CALD1: variants seen among roughly 807,000 people sequenced by gnomAD.
CALD1 encodes caldesmon 1.
A neutral mutation model predicts 99.9 loss-of-function variants in CALD1; 33 were observed. That is an observed-to-expected ratio of 0.33 (90% CI 0.25 to 0.44). CALD1 has a LOEUF of 0.44. Among genes scored for constraint, CALD1 ranks in the 20% least tolerant of loss-of-function variants. The probability of loss-of-function intolerance (pLI) is 1.00; values close to 1 mark genes in which losing one functional copy is unlikely to be tolerated. For synonymous variants in CALD1, 310 were observed against 325.0 expected, an observed-to-expected ratio of 0.95 and a Z score of 0.50; for missense variants, 861 against 962.1, an observed-to-expected ratio of 0.89 and a Z score of 1.39.
chr7:134,863,961 A>C (rs1002179646), intron 2 of CALD1, among the ~76,000 whole-genome samples: 1 of 152,206 alleles, frequency 6.6e-6, no homozygotes, highest in Non-Finnish European at 1.5e-5. Flanking sequence ...GAAAGAGAGG[A>C]AAGTCCCGGA....
At chr7:134,837,913 T>C (rs1466463355) in intron 1 of CALD1, among the ~76,000 whole-genome samples, 1 of 152,240 alleles carries the variant, frequency 6.6e-6, no homozygotes. Context: ...TAGAGTTCTA[T>C]GTGACCCATA....
At chr7:134,915,095 G>T (rs748155061) in intron 3 of CALD1, among the ~76,000 whole-genome samples, 1 of 152,162 alleles carries the variant, frequency 6.6e-6, no homozygotes, top group South Asian at 2.1e-4. Flanking sequence ...TCCCACAACC[G>T]CAAGTTCAGA....
chr7:134,946,578 A>G (rs533251072), intron 7 of CALD1, among the ~76,000 whole-genome samples: 3 of 152,290 alleles, frequency 2.0e-5, no homozygotes, highest in South Asian at 2.1e-4. Flanking sequence ...GGAATCACAC[A>G]ATATTTGTAT....
intron 2 of CALD1, among the ~76,000 whole-genome samples, chr7:134,864,789 T>A (rs1800729968): frequency 6.6e-6 from 1 of 152,198 alleles, no homozygotes; most frequent in South Asian, 2.1e-4. Flanking sequence ...GAATCCATAT[T>A]GAAAACACAG....
intron 4 of CALD1, among the ~76,000 whole-genome samples, chr7:134,929,513 G>A (rs568447879): frequency 6.7e-6 from 1 of 149,558 alleles, no homozygotes; most frequent in Non-Finnish European, 1.5e-5. Flanking sequence ...CCATTCCTGA[G>A]TTACTTCACT....
chr7:134,879,503 G>A (rs1490129931), intron 3 of CALD1, among the ~76,000 whole-genome samples: 1 of 152,090 alleles, frequency 6.6e-6, no homozygotes, highest in African/African-American at 2.4e-5. Flanking sequence ...TAAAGTCTTT[G>A]GTTAACATGT....
intron 1 of CALD1, among the ~76,000 whole-genome samples, chr7:134,823,412 C>G (rs1281052241): frequency 6.6e-6 from 1 of 152,154 alleles, no homozygotes; most frequent in Non-Finnish European, 1.5e-5. Flanking sequence ...ATCCAGATAG[C>G]TTCAGCAATA....
At chr7:134,718,404 T>A in the CALD1 span, among the ~76,000 whole-genome samples, 1 of 152,204 alleles carries the variant, frequency 6.6e-6, no homozygotes, top group East Asian at 1.9e-4. Context: ...TTGCCCAAGG[T>A]CACTCTGTGG....
chr7:134,824,983 C>T (rs1156552077), intron 1 of CALD1, among the ~76,000 whole-genome samples: 1 of 152,240 alleles, frequency 6.6e-6, no homozygotes, highest in Non-Finnish European at 1.5e-5. Context: ...ACTACCTTTC[C>T]TTCAGAGGCT....
Position 134,933,403 on chromosome 7 carries a change from G to A in CALD1, c.634G>A (p.Val212Met). 1 of 1,612,876 alleles carries A rather than the reference G, an allele frequency of 6.2e-7. No individual in the cohort carries two copies. The highest frequency in any genetic ancestry group is 8.5e-7 in the Non-Finnish European group (1 of 1,179,328). The change falls in exon 5 of 15, where the codon GTG becomes ATG. Residue 212 changes from valine to methionine, a missense_variant. Transcript: ENST00000361675. ...TGGAGAAAATCAGGTAGAGGTGATGGTGGAAGAGAAAACAACTGAAAGCCA... is the reference window on the plus strand; with the variant it reads ...TGGAGAAAATCAGGTAGAGGTGATGATGGAAGAGAAAACAACTGAAAGCCA... ...SIGENQVEVM[V>M]EEKTTESQEE...
In CALD1 at chr7:134,934,083, G is replaced by A; in HGVS notation, c.1308+6G>A. ...CAGCTGTCCTAAAGAAACAGGTACA[G>A]TAAACATTTTGCACCAAATGTGTGA... On this transcript the variant is annotated splice_donor_region_variant and intron_variant, in intron 5 of 14. Coordinates refer to ENST00000361675, the MANE Select transcript of CALD1 (RefSeq NM_033138.4). 1 of 1,597,832 alleles carries A rather than the reference G, an allele frequency of 6.3e-7. No homozygotes were observed. Among genetic ancestry groups the A allele is most frequent in the Non-Finnish European group, 8.5e-7 (1 of 1,174,302 alleles).
intron 1 of CALD1, among the ~76,000 whole-genome samples, chr7:134,753,108 C>T (rs1045320257): frequency 6.6e-6 from 1 of 150,996 alleles, no homozygotes; most frequent in African/African-American, 2.4e-5. Flanking sequence ...TAATGGAATG[C>T]TATATTGGGT....
chr7:134,920,539 T>C (rs1253405873), intron 3 of CALD1: 3 of 1,244,028 alleles, frequency 2.4e-6, no homozygotes, highest in East Asian at 5.9e-5. Context: ...ATGGGGAGTG[T>C]ATTGCTGCAG....
At chr7:134,938,593 C>T (rs1194432676) in intron 6 of CALD1, among the ~76,000 whole-genome samples, 1 of 152,090 alleles carries the variant, frequency 6.6e-6, no homozygotes, top group Non-Finnish European at 1.5e-5. Context: ...ATGCCTTTCC[C>T]AGGGGGCTCA....
At position 134,947,635 on chromosome 7, in the gene CALD1, C is replaced by T. The variant is rs1330118911; in HGVS notation, c.1660C>T (p.Leu554Phe). ...GETESEEFEK[L>F]KQKQQEAALE... ...GACCGAGAGCGAAGAGTTCGAGAAG[C>T]TCAAACAGAAGCAGCAGGAGGCGGC... The change falls in exon 8 of 15, where the codon CTC becomes TTC. Residue 554 changes from leucine to phenylalanine, a missense_variant. This residue lies in a region of CALD1 where 293 missense variants were observed against 262.7 expected (regional missense o/e 1.12). Transcript: ENST00000361675. 1 of 1,572,782 alleles carries T rather than the reference C, an allele frequency of 6.4e-7. No individual in the cohort carries two copies. Among genetic ancestry groups the T allele is most frequent in the South Asian group, 1.2e-5 (1 of 86,364 alleles).
chr7:134,721,163 C>T, the CALD1 span, among the ~76,000 whole-genome samples: 1,255 of 152,260 alleles, frequency 8.2e-3, 22 homozygotes, highest in Admixed American at 0.028. Context: ...GTGGCAAGAG[C>T]AGTGGAGCAG....
chr7:134,858,593 G>C (rs1449301885), intron 2 of CALD1, among the ~76,000 whole-genome samples: 1 of 150,646 alleles, frequency 6.6e-6, no homozygotes, highest in African/African-American at 2.5e-5. Context: ...TTTTTTTTGA[G>C]ACAGTCTTGT....
intron 1 of CALD1, among the ~76,000 whole-genome samples, chr7:134,798,064 T>G (rs1274561987): frequency 6.6e-6 from 1 of 152,246 alleles, no homozygotes; most frequent in Non-Finnish European, 1.5e-5. Context: ...TGATGCATTA[T>G]TATTAATGAA....
intron 9 of CALD1, among the ~76,000 whole-genome samples, chr7:134,955,235 C>A (rs980557234): frequency 2.6e-5 from 4 of 152,094 alleles, no homozygotes; most frequent in Admixed American, 6.6e-5. Flanking sequence ...ACTGAAAATA[C>A]AAAAATTAGC....
Sources: allele counts gnomAD v4.1 joint callset (sites outside exome capture counted in the v4.1 genomes callset), GRCh38; gene constraint gnomAD v4.1.1; regional missense constraint gnomAD v4.1.1; transcripts MANE v1.5; gene names NCBI Gene and HGNC (gene_info 2026-07-23, HGNC 2026-07-21).